NFATC2: variants seen among roughly 807,000 people sequenced by gnomAD.
NFATC2 encodes nuclear factor of activated T cells 2, also known as nuclear factor of activated T-cells, cytoplasmic 2.
NFATC2 carries 22 observed loss-of-function variants against 87.3 expected under a neutral mutation model. The observed-to-expected ratio is 0.25, with a 90% CI of 0.18 to 0.36. The LOEUF (loss-of-function observed/expected upper bound fraction) is 0.36. NFATC2 is among the 10% of genes least tolerant of loss of function. NFATC2 has a pLI of 1.00. For missense variants in NFATC2, 1,149 were observed against 1,259.1 expected (o/e 0.91, Z 1.32); for synonymous variants, 565 against 542.2 (o/e 1.04, Z -0.58).
chr20:51,430,770 G>A (rs958348528), intron 9 of NFATC2, among the ~76,000 whole-genome samples: 4 of 152,140 alleles, frequency 2.6e-5, no homozygotes, highest in African/African-American at 9.7e-5. Context: ...CTGGCACTGC[G>A]GTATATGAAA....
At chr20:51,558,572 A>T (rs999593082) in intron 1 of NFATC2, among the ~76,000 whole-genome samples, 1 of 152,064 alleles carries the variant, frequency 6.6e-6, no homozygotes, top group African/African-American at 2.4e-5. Context: ...TCCGGATTAT[A>T]TTGTTTATTA....
chr20:51,389,860 A>G lies in NFATC2; in HGVS notation c.*1636T>C, dbSNP rs1367495911. 11 of 150,704 alleles carry G rather than the reference A, an allele frequency of 7.3e-5. No individual in the cohort carries two copies. Among genetic ancestry groups the G allele is most frequent in the Non-Finnish European group, 2.9e-5 (2 of 68,036 alleles). 9.3% of individuals were successfully genotyped at this position (150,704 alleles called of 1,614,324 possible). A position where few individuals can be genotyped will look rare whatever the true frequency, so the allele number is the denominator to read the frequency against. On this transcript the variant is annotated 3_prime_UTR_variant, in exon 11 of 11. Coordinates refer to ENST00000371564, the MANE Select transcript of NFATC2 (RefSeq NM_012340.5). ...CTTTCTTCTGAGGCCTTCTGCCTAC[A>G]GACTGTACAGACTGGACTGAGAAAA...
At chr20:51,394,844 G>A (rs901980555) in intron 10 of NFATC2, among the ~76,000 whole-genome samples, 1 of 150,742 alleles carries the variant, frequency 6.6e-6, no homozygotes, top group Non-Finnish European at 1.5e-5. Context: ...GTTCCCAAAT[G>A]GGGCCACGTG....
chr20:51,546,508 G>A (rs2076890741), upstream of NFATC2, among the ~76,000 whole-genome samples: 1 of 152,178 alleles, frequency 6.6e-6, no homozygotes, highest in Admixed American at 6.5e-5. Flanking sequence ...TCTTCACAGG[G>A]CATCGCTGTC....
chr20:51,437,098 C>T (rs1398301104), intron 6 of NFATC2, among the ~76,000 whole-genome samples: 1 of 136,054 alleles, frequency 7.4e-6, no homozygotes, highest in African/African-American at 2.7e-5. Context: ...CAGTTTGGGG[C>T]CAAGAAGTTG....
chr20:51,455,555 C>G (rs1986312960), intron 5 of NFATC2, among the ~76,000 whole-genome samples: 1 of 151,138 alleles, frequency 6.6e-6, no homozygotes, highest in African/African-American at 2.4e-5. Flanking sequence ...GAGCTTTTCA[C>G]TTTCAGATAC....
chr20:51,476,697 A>C (rs1055864217), intron 3 of NFATC2, among the ~76,000 whole-genome samples: 3 of 152,242 alleles, frequency 2.0e-5, no homozygotes, highest in Non-Finnish European at 2.9e-5. Context: ...GGCACATAGT[A>C]GGCATTCTAG....
At chr20:51,544,387 C>G (rs1018154954), upstream of NFATC2, among the ~76,000 whole-genome samples, 1 of 152,144 alleles carries the variant, frequency 6.6e-6, no homozygotes, top group African/African-American at 2.4e-5. Context: ...AGAACCACAG[C>G]TTGACCTCAA....
At chr20:51,398,763 G>C (rs1236546296) in intron 9 of NFATC2, 33 bp from the exon 10 acceptor site, 3 of 1,249,076 alleles carry the variant, frequency 2.4e-6, no homozygotes, top group Non-Finnish European at 3.4e-6. Flanking sequence ...TTTTTGAGAA[G>C]AAAAAAAAAA....
At chr20:51,438,099 G>A (rs1943292251) in intron 6 of NFATC2, among the ~76,000 whole-genome samples, 2 of 152,352 alleles carry the variant, frequency 1.3e-5, no homozygotes, top group Middle Eastern at 3.4e-3. Context: ...CTTTCAGTGT[G>A]CAAAGTCCTG....
Position 51,436,739 on chromosome 20 carries a change from C to T in NFATC2, c.1850-978G>A, listed in dbSNP as rs201514257. 7.9e-5 allele frequency among the ~76,000 whole-genome samples: 11 copies of T among 138,416 alleles called. No individual in the cohort carries two copies. The East Asian group carries it at 2.4e-3, about 30-fold the overall frequency. The allele number at this position is 138,416 out of a possible 152,430, so 90.8% of individuals were successfully genotyped here. A position where few individuals can be genotyped will look rare whatever the true frequency, so the allele number is the denominator to read the frequency against. On this transcript the variant is annotated intron_variant, in intron 6 of 10. Transcript: ENST00000371564. ...CAAAACAAACAAACAAACAAACAAA[C>T]AAATAAATAAGTAAATAAATAAGTA...
intron 9 of NFATC2, among the ~76,000 whole-genome samples, chr20:51,415,468 CCT>C (rs1219977294): frequency 2.0e-5 from 3 of 152,010 alleles, no homozygotes; most frequent in African/African-American, 7.3e-5. Context: ...TATTGTGGTC[CCT>C]GAGTAGTTGG....
chr20:51,409,993 G>A (rs1367798509), intron 9 of NFATC2, among the ~76,000 whole-genome samples: 5 of 152,084 alleles, frequency 3.3e-5, no homozygotes, highest in African/African-American at 2.4e-5. Flanking sequence ...GGCGGATCAC[G>A]AGGTCAGGAG....
At chr20:51,418,728 T>C (rs944827504) in intron 9 of NFATC2, among the ~76,000 whole-genome samples, 9 of 149,740 alleles carry the variant, frequency 6.0e-5, no homozygotes, top group African/African-American at 9.9e-5. Flanking sequence ...AGTGGTACGA[T>C]TGCGTCTCAC....
In NFATC2 at chr20:51,488,853, C is replaced by A. The variant is rs114446121; in HGVS notation, c.1333-13193G>T. Among the ~76,000 whole-genome samples the A allele has an allele frequency of 7.2e-3, 1,098 of 152,264 alleles. 6 individuals carry two copies. Among genetic ancestry groups the A allele is most frequent in the African/African-American group, 0.024 (978 of 41,518 alleles). ...TTTAAAAGCAAATGAGATCCTATCA[C>A]TTCCCTACTTAAAATCCCCCCATGG... On this transcript the variant is annotated intron_variant, in intron 3 of 10. Coordinates refer to ENST00000371564, the MANE Select transcript of NFATC2 (RefSeq NM_012340.5).
chr20:51,404,833 G>A (rs1418337124), intron 9 of NFATC2, among the ~76,000 whole-genome samples: 1 of 152,188 alleles, frequency 6.6e-6, no homozygotes, highest in Non-Finnish European at 1.5e-5. Context: ...GCAGAGCAGC[G>A]TGAGTCACTG....
chr20:51,418,951 A>ACCCCT (rs1555873322), intron 9 of NFATC2, among the ~76,000 whole-genome samples: 1 of 145,876 alleles, frequency 6.9e-6, no homozygotes, highest in African/African-American at 2.7e-5. Flanking sequence ...GGCGTGAGCC[A>ACCCCT]CCCCCACCGC....
chr20:51,527,540 A>G (rs1600956884), intron 1 of NFATC2, among the ~76,000 whole-genome samples: 2 of 152,274 alleles, frequency 1.3e-5, no homozygotes, highest in East Asian at 3.9e-4. Flanking sequence ...AAATGCCATG[A>G]GGACTCTTGC....
intron 9 of NFATC2, among the ~76,000 whole-genome samples, chr20:51,428,538 G>A (rs1982204701): frequency 6.6e-6 from 1 of 152,246 alleles, no homozygotes; most frequent in African/African-American, 2.4e-5. Context: ...ATGCAGGCGG[G>A]AAGGGCTGAG....
Sources: gnomAD v4.1 joint callset for allele counts (sites outside exome capture counted in the v4.1 genomes callset) on GRCh38, gnomAD v4.1.1 for gene constraint, MANE v1.5 for transcripts, NCBI Gene and HGNC (gene_info 2026-07-23, HGNC 2026-07-21) for gene names.